The following TANC2 variants were observed in gnomAD, a reference collection of about 807,000 sequenced individuals.
The protein encoded by TANC2 is tetratricopeptide repeat, ankyrin repeat and coiled-coil containing 2.
A neutral mutation model predicts 210.5 loss-of-function variants in TANC2; 26 were observed. The ratio of observed to expected loss-of-function variants is 0.12; its 90% confidence interval spans 0.09 to 0.17. The LOEUF is 0.17. Ranked by LOEUF, TANC2 falls within the 10% of genes least tolerant of loss-of-function variation. The probability of loss-of-function intolerance (pLI) is 1.00; values close to 1 mark genes in which losing one functional copy is unlikely to be tolerated. For missense variants in TANC2, 2,129 were observed against 2,608.9 expected (o/e 0.82, Z 4.01); for synonymous variants, 931 against 967.1 (o/e 0.96, Z 0.69).
chr17:63,402,491 A>AC (rs1360887450), intron 19 of TANC2, among the ~76,000 whole-genome samples: 1 of 152,026 alleles, frequency 6.6e-6, no homozygotes, highest in Admixed American at 6.6e-5. Flanking sequence ...TCCCCCTCCT[A>AC]CCCGACCCCT....
intron 27 of TANC2, among the ~76,000 whole-genome samples, chr17:63,419,641 TAC>T (rs1479931217): frequency 6.6e-6 from 1 of 152,222 alleles, no homozygotes; most frequent in East Asian, 1.9e-4. Context: ...GTTCCTAAGC[TAC>T]TTGACAGTGA....
At chr17:63,367,406 AT>A (rs1001582327) in intron 14 of TANC2, among the ~76,000 whole-genome samples, 1 of 152,046 alleles carries the variant, frequency 6.6e-6, no homozygotes. Flanking sequence ...TTTTTTTGCA[AT>A]TTTTTTAGCT....
intron 2 of TANC2, among the ~76,000 whole-genome samples, chr17:63,029,670 T>A (rs2034691108): frequency 1.3e-5 from 2 of 152,172 alleles, no homozygotes; most frequent in South Asian, 4.1e-4. Context: ...ACAGAGATTT[T>A]TTAGTGCTTA....
At chr17:63,015,752 A>G (rs376801278) in intron 2 of TANC2, among the ~76,000 whole-genome samples, 1 of 143,162 alleles carries the variant, frequency 7.0e-6, no homozygotes, top group African/African-American at 2.6e-5. Context: ...TTAAAAAAAA[A>G]CCGCTGTGTG....
intron 9 of TANC2, among the ~76,000 whole-genome samples, chr17:63,298,242 A>G (rs531501608): frequency 1.3e-5 from 2 of 152,346 alleles, no homozygotes; most frequent in African/African-American, 4.8e-5. Flanking sequence ...GCTCAAATAC[A>G]TACACACGAA....
intron 14 of TANC2, among the ~76,000 whole-genome samples, chr17:63,364,721 A>G (rs571659708): frequency 5.0e-4 from 76 of 152,166 alleles, no homozygotes; most frequent in Non-Finnish European, 2.8e-4. Context: ...CAGGAGTTCA[A>G]GGTTACAGTG....
intron 3 of TANC2, among the ~76,000 whole-genome samples, chr17:63,086,622 A>C (rs1182356717): frequency 6.6e-6 from 1 of 152,168 alleles, no homozygotes; most frequent in Non-Finnish European, 1.5e-5. Flanking sequence ...ATAGCATATT[A>C]ATCATAATTG....
intron 5 of TANC2, among the ~76,000 whole-genome samples, chr17:63,192,118 T>G (rs1598574248): frequency 6.6e-6 from 1 of 152,178 alleles, no homozygotes; most frequent in South Asian, 2.1e-4. Flanking sequence ...CCAAAGATAG[T>G]TTTTTCGTAT....
At chr17:63,371,461 C>T (rs1164068218) in intron 14 of TANC2, among the ~76,000 whole-genome samples, 2 of 148,100 alleles carry the variant, frequency 1.4e-5, no homozygotes, top group Admixed American at 6.7e-5. Context: ...AGCAAAATTC[C>T]GTCTCAAAAA....
chr17:63,245,773 G>T (rs537582759), intron 8 of TANC2, among the ~76,000 whole-genome samples: 16 of 151,782 alleles, frequency 1.1e-4, no homozygotes, highest in Middle Eastern at 3.4e-3. Flanking sequence ...AACCCGGGAG[G>T]TGGAGGTTGC....
rs1258749590 is a variant in TANC2, at chr17:62,985,250, A to T, written c.-24+18501A>T. ...TTTCTTCTGAGAAATCTACTCTACT[A>T]AGACTAATGGGGATTCCCTTATATG... On this transcript the variant is annotated intron_variant, in intron 1 of 27. Transcript: ENST00000689528. 2.0e-5 allele frequency among the ~76,000 whole-genome samples: 3 copies of T among 152,106 alleles called. No individual in the cohort carries two copies. In the South Asian group the frequency reaches 6.2e-4, roughly 32 times the overall value.
chr17:63,381,865 A>G (rs1377976294), intron 15 of TANC2, among the ~76,000 whole-genome samples: 1 of 152,212 alleles, frequency 6.6e-6, no homozygotes, highest in Non-Finnish European at 1.5e-5. Context: ...CTCCATTACC[A>G]TTTATTGCCG....
At chr17:63,075,415 G>T (rs1444704320) in intron 3 of TANC2, among the ~76,000 whole-genome samples, 1 of 152,134 alleles carries the variant, frequency 6.6e-6, no homozygotes, top group Non-Finnish European at 1.5e-5. Flanking sequence ...ACAACTACGT[G>T]ATCTCAATTT....
At chr17:63,029,214 G>T (rs901268771) in intron 2 of TANC2, among the ~76,000 whole-genome samples, 1 of 151,916 alleles carries the variant, frequency 6.6e-6, no homozygotes, top group Non-Finnish European at 1.5e-5. Context: ...GAAAATTTTG[G>T]GATTATTTCC....
intron 2 of TANC2, among the ~76,000 whole-genome samples, chr17:63,027,305 C>T (rs754850335): frequency 4.6e-5 from 7 of 151,262 alleles, no homozygotes; most frequent in South Asian, 2.1e-4. Flanking sequence ...GAGAGTGCAA[C>T]GAAGAAAAAG....
intron 19 of TANC2, among the ~76,000 whole-genome samples, chr17:63,400,477 A>G (rs566041723): frequency 1.1e-3 from 165 of 152,294 alleles, no homozygotes; most frequent in Non-Finnish European, 2.0e-3. Flanking sequence ...AATGTTGTAC[A>G]TATGTACCAT....
At chr17:63,031,228 A>T (rs2034758060) in intron 2 of TANC2, among the ~76,000 whole-genome samples, 2 of 152,286 alleles carry the variant, frequency 1.3e-5, no homozygotes, top group African/African-American at 2.4e-5. Flanking sequence ...TCCTAAATGT[A>T]TAATTTTAAT....
At chr17:63,322,003 A>G (rs2045509956) in intron 11 of TANC2, among the ~76,000 whole-genome samples, 1 of 152,108 alleles carries the variant, frequency 6.6e-6, no homozygotes, top group Non-Finnish European at 1.5e-5. Flanking sequence ...GTAAGGTTCA[A>G]ATTTTTCATA....
chr17:63,285,652 C>T (rs1321015295), intron 9 of TANC2, among the ~76,000 whole-genome samples: 1 of 152,162 alleles, frequency 6.6e-6, no homozygotes, highest in African/African-American at 2.4e-5. Flanking sequence ...ACACAAGCTT[C>T]CAAGTACCCT....
Sources: gnomAD v4.1 joint callset for allele counts (sites outside exome capture counted in the v4.1 genomes callset) on GRCh38, gnomAD v4.1.1 for gene constraint, MANE v1.5 for transcripts, NCBI Gene and HGNC (gene_info 2026-07-23, HGNC 2026-07-21) for gene names.